The following PIK3R6 variants were observed in gnomAD, a reference collection of about 807,000 sequenced individuals.
The protein encoded by PIK3R6 is phosphoinositide-3-kinase regulatory subunit 6.
In PIK3R6, 91 loss-of-function variants were observed where a neutral mutation model predicts 84.9. The observed-to-expected ratio is 1.07, with a 90% CI of 0.90 to 1.28. The LOEUF (loss-of-function observed/expected upper bound fraction) is 1.28. PIK3R6 is among the 50% of genes most tolerant of loss of function. PIK3R6 has a pLI of 0.00. For synonymous variants in PIK3R6, 416 were observed against 411.4 expected, an observed-to-expected ratio of 1.01 and a Z score of -0.13; for missense variants, 996 against 985.1, an observed-to-expected ratio of 1.01 and a Z score of -0.15.
chr17:8,804,024 G>T lies in PIK3R6; in HGVS notation c.2108+17C>A. ...CCACGGGCCCTGGACATCTAGGGTT[G>T]GCAGGCCCAGCCTCACCTGACCACA... On this transcript the variant is annotated intron_variant, in intron 19 of 19. Coordinates refer to ENST00000619866, the MANE Select transcript of PIK3R6 (RefSeq NM_001010855.4). 1 of 1,602,662 alleles carries T rather than the reference G, an allele frequency of 6.2e-7. No individual in the cohort carries two copies. Among genetic ancestry groups the T allele is most frequent in the Non-Finnish European group, 8.5e-7 (1 of 1,169,738 alleles).
chr17:8,821,537 A>C (rs564086070), intron 17 of PIK3R6, among the ~76,000 whole-genome samples: 6 of 152,200 alleles, frequency 3.9e-5, no homozygotes, highest in African/African-American at 1.2e-4. Flanking sequence ...CAAAGTCCTA[A>C]ATTTCCAAAC....
Position 8,822,685 on chromosome 17 carries a change from G to A in PIK3R6, c.1718-28C>T, listed in dbSNP as rs777463206. 16 of 1,609,378 alleles carry A rather than the reference G, an allele frequency of 9.9e-6. 1 individual carries two copies. The South Asian group carries it at 1.2e-4, about 12-fold the overall frequency. On this transcript the variant is annotated intron_variant, in intron 15 of 19. Transcript: ENST00000619866. ...GTGGGGAGATGAGAAGAGGCTTGGG[G>A]TGGAGGTTCCCAGGCCTCTTGCCCT... is the stretch of plus-strand genomic sequence containing the variant.
chr17:8,829,657 C>A, intron 10 of PIK3R6, 49 bp downstream of exon 10: 1 of 1,513,480 alleles, frequency 6.6e-7, no homozygotes. Flanking sequence ...CATACACACA[C>A]AGACACAGAC....
intron 1 of PIK3R6, among the ~76,000 whole-genome samples, chr17:8,851,573 T>C (rs938387573): frequency 4.6e-5 from 7 of 152,020 alleles, no homozygotes; most frequent in East Asian, 1.9e-4. Context: ...TGTGGAGAAA[T>C]TGGATTTGTT....
intron 16 of PIK3R6, 144 bp downstream of exon 16, chr17:8,822,443 G>T: frequency 2.2e-6 from 2 of 922,978 alleles, no homozygotes; most frequent in East Asian, 2.7e-5. Flanking sequence ...AAAACTCCCT[G>T]AAGGCTGGGG....
rs1472873250 is a variant in PIK3R6, at chr17:8,844,067, C to T, written c.14-4370G>A. 6.6e-6 allele frequency among the ~76,000 whole-genome samples: 1 copy of T among 152,162 alleles called. No individual in the cohort carries two copies. Among genetic ancestry groups the T allele is most frequent in the African/African-American group, 2.4e-5 (1 of 41,426 alleles). ...TTCCAGGGAATGAGGAAAATCAGAC[C>T]GGCTGGGACAAAGCTTACCAGTGGC... On this transcript the variant is annotated intron_variant, in intron 2 of 19. Transcript: ENST00000619866. The surrounding 1 kb of genome is among the most constrained non-coding windows in gnomAD (Gnocchi z 4.5).
chr17:8,833,742 A>G (rs950869647), intron 8 of PIK3R6, among the ~76,000 whole-genome samples: 2 of 151,490 alleles, frequency 1.3e-5, no homozygotes, highest in African/African-American at 4.8e-5. Flanking sequence ...GGGTTTCACC[A>G]TGTTGGCCAG....
At chr17:8,825,091 A>C (rs2087874143) in intron 13 of PIK3R6, among the ~76,000 whole-genome samples, 1 of 152,214 alleles carries the variant, frequency 6.6e-6, no homozygotes. Context: ...TACCATTCGC[A>C]ATAGTAAGAA....
rs2088551261 is a variant in PIK3R6, at chr17:8,838,239, T to C, written c.189+325A>G. The C allele has an allele frequency of 6.9e-6, 3 of 434,750 alleles. No homozygotes were observed. The South Asian group carries it at 8.2e-5, about 12-fold the overall frequency. 26.9% of individuals were successfully genotyped at this position (434,750 alleles called of 1,614,324 possible). On this transcript the variant is annotated intron_variant, in intron 4 of 19. Transcript: ENST00000619866. ...TGGGTAGTGTGAAGGAGAATTTAGG[T>C]GGCCCGAGGATAATTTTGAGAAACG...
At chr17:8,854,030 C>G (rs1412322179) in intron 1 of PIK3R6, among the ~76,000 whole-genome samples, 1 of 150,776 alleles carries the variant, frequency 6.6e-6, no homozygotes, top group Non-Finnish European at 1.5e-5. Flanking sequence ...AATAAAAATA[C>G]CAGCAGGATT....
At chr17:8,835,159 TG>T (rs2088409406) in intron 8 of PIK3R6, 113 bp downstream of exon 8, 11 of 1,169,568 alleles carry the variant, frequency 9.4e-6, no homozygotes, top group Non-Finnish European at 1.0e-5. Context: ...ATTTTTGATT[TG>T]GGGGAAAAGG....
chr17:8,837,050 A>G, intron 5 of PIK3R6, 127 bp from the exon 6 acceptor site: 1 of 712,086 alleles, frequency 1.4e-6, no homozygotes, highest in Non-Finnish European at 2.4e-6. Context: ...GGTCAGGCCT[A>G]ACAGCCAGAC....
At chr17:8,863,981 C>T (rs2089343554) in intron 1 of PIK3R6, among the ~76,000 whole-genome samples, 1 of 152,086 alleles carries the variant, frequency 6.6e-6, no homozygotes, top group African/African-American at 2.4e-5. Flanking sequence ...GCAAGGGTGC[C>T]CAGTGTTTTT....
At chr17:8,822,035 AC>A in intron 16 of PIK3R6, 99 bp from the exon 17 acceptor site, 2 of 658,442 alleles carry the variant, frequency 3.0e-6, no homozygotes, top group Non-Finnish European at 4.4e-6. Context: ...CCTGTTTTCC[AC>A]CCCTGCTGTG....
intron 1 of PIK3R6, among the ~76,000 whole-genome samples, chr17:8,864,550 T>G (rs1204624197): frequency 7.1e-6 from 1 of 140,624 alleles, no homozygotes; most frequent in Non-Finnish European, 1.5e-5. Flanking sequence ...TTTTTTTTTT[T>G]TTTTTTTAGA....
At chr17:8,829,188 G>GACAT (rs978266866) in intron 10 of PIK3R6, among the ~76,000 whole-genome samples, 198 bp from the exon 11 acceptor site, 1 of 119,466 alleles carries the variant, frequency 8.4e-6, no homozygotes. Flanking sequence ...GACACAGACA[G>GACAT]ACATACACAC....
In PIK3R6 at chr17:8,823,477, G is replaced by A. The variant is rs1328322260; in HGVS notation, c.1536C>T (p.Ser512=). The A allele has an allele frequency of 6.2e-7, 1 of 1,612,076 alleles. No homozygotes were observed. Among genetic ancestry groups the A allele is most frequent in the Non-Finnish European group, 8.5e-7 (1 of 1,178,384 alleles). ...CTAGGATGAAGGGGTCCACAGTCCG[G>A]GATGTGTCCAGGGAAGGAGGCTGTG... ...LAEMPPSLDT[S]RTVDPFILDV... Residue 512 remains serine, a synonymous_variant, in exon 14 of 20, where the codon TCC becomes TCT. Transcript: ENST00000619866.
chr17:8,831,328 TAAAAAAAAA>T (rs60650147), intron 9 of PIK3R6, among the ~76,000 whole-genome samples: 2 of 33,080 alleles, frequency 6.0e-5, no homozygotes, highest in Admixed American at 4.5e-4. Flanking sequence ...AGACCCTGTC[TAAAAAAAAA>T]AAAAAAAAAA....
At position 8,821,890 on chromosome 17, in the gene PIK3R6, G is replaced by A; in HGVS notation, c.1835C>T (p.Ala612Val). 1 of 1,597,072 alleles carries A rather than the reference G, an allele frequency of 6.3e-7. No homozygotes were observed. The highest frequency in any genetic ancestry group is 8.5e-7 in the Non-Finnish European group (1 of 1,171,748). ...AATGGCCTTCAGGATCAGCCCAGTG[G>A]CCCGCAGGGAAACGGTGACCTCTCG... The part of the protein sequence containing the change: ...RPREVTVSLR[A>V]TGLILKAIPA... Residue 612 changes from alanine (A) to valine (V), a missense_variant, in exon 17 of 20, where the codon GCC becomes GTC. By Grantham distance (64) the Ala-to-Val change is moderately conservative. Coordinates refer to ENST00000619866, the MANE Select transcript of PIK3R6 (RefSeq NM_001010855.4).
Sources: gnomAD v4.1 joint callset for allele counts (sites outside exome capture counted in the v4.1 genomes callset) on GRCh38, gnomAD v4.1.1 for gene constraint, Gnocchi (gnomAD v3.1) non-coding constraint, MANE v1.5 for transcripts, NCBI Gene and HGNC (gene_info 2026-07-23, HGNC 2026-07-21) for gene names.